The following ANKRD18A variants were observed in gnomAD, a reference collection of about 807,000 sequenced individuals.
The protein encoded by ANKRD18A is ankyrin repeat domain-containing protein 18A.
Under a neutral mutation model 110.6 loss-of-function variants are expected in ANKRD18A, and 72 were observed. The ratio of observed to expected loss-of-function variants is 0.65; its 90% CI spans 0.54 to 0.79. ANKRD18A has a LOEUF of 0.79. Ranked by LOEUF, ANKRD18A falls within the 30% of genes least tolerant of loss-of-function variation. The pLI is 0.00. For missense variants in ANKRD18A, 934 were observed against 1,163.3 expected, an observed-to-expected ratio of 0.80 and a Z score of 2.87; for synonymous variants, 305 against 410.3, an observed-to-expected ratio of 0.74 and a Z score of 3.10.
Position 38,601,215 on chromosome 9 carries a change from CAT to C in ANKRD18A, c.863-13_863-12del. The C allele has an allele frequency of 6.5e-7, 1 of 1,549,924 alleles. No homozygotes were observed. The highest frequency in any genetic ancestry group is 8.7e-7 in the Non-Finnish European group (1 of 1,145,318). On this transcript the variant is annotated splice_polypyrimidine_tract_variant and intron_variant, in intron 7 of 15. Transcript: ENST00000399703. ...TTAGGTTGTGTTCTGCTGACAAATC[CAT>C]ATGTTTAGTTAAAATGAATGATTTA...
Position 38,610,273 on chromosome 9 carries a change from C to T in ANKRD18A, c.740G>A (p.Ser247Asn), listed in dbSNP as rs754492692. The T allele has an allele frequency of 6.2e-5, 95 of 1,533,486 alleles. No homozygotes were observed. The highest frequency in any genetic ancestry group is 8.0e-5 in the Non-Finnish European group (91 of 1,141,148). 95.0% of individuals were successfully genotyped at this position (1,533,486 alleles called of 1,614,324 possible). Residue 247 changes from serine to asparagine, a missense_variant and splice_region_variant, in exon 5 of 16, where the codon AGC becomes AAC. Around this residue, in one of 4 missense-constraint regions of ANKRD18A, gnomAD observed 630 missense variants for 797.5 expected, o/e 0.79. Transcript: ENST00000399703. ...EDYALCSDLR[S>N]IRQQILEHKN... ...CCGGTCTTTTAATATAAGCACATAC[C>T]TTCTCAAATCAGAACAAAGAGCATA...
In ANKRD18A at chr9:38,581,345, T is replaced by G. The variant is rs564645706; in HGVS notation, c.2248-3197A>C. 1.1e-4 allele frequency among the ~76,000 whole-genome samples: 16 copies of G among 152,254 alleles called. No homozygotes were observed. In the South Asian group the frequency reaches 1.9e-3, roughly 18 times the overall value. The stretch of plus-strand genomic sequence containing the variant: ...CCTAAAACCCCCTTCAATTATGAAC[T>G]CTGATAATAAGGCAAGGGTGTCTCC... On this transcript the variant is annotated intron_variant, in intron 12 of 15. Coordinates refer to ENST00000399703, the MANE Select transcript of ANKRD18A (RefSeq NM_147195.4).
chr9:38,566,615 C>T (rs1434553629), downstream of ANKRD18A: 2 of 152,206 alleles, frequency 1.3e-5, no homozygotes, highest in African/African-American at 4.8e-5. Context: ...TAGCAATGCT[C>T]CAGTCCTCAT....
At chr9:38,596,997 A>G (rs1448791927) in intron 8 of ANKRD18A, among the ~76,000 whole-genome samples, 1 of 152,178 alleles carries the variant, frequency 6.6e-6, no homozygotes, top group African/African-American at 2.4e-5. Context: ...ACAATCCTTA[A>G]AAAAGACAGG....
At chr9:38,574,467 C>T (rs1395929494) in intron 15 of ANKRD18A, among the ~76,000 whole-genome samples, 1 of 152,092 alleles carries the variant, frequency 6.6e-6, no homozygotes, top group East Asian at 1.9e-4. Context: ...CAGGTGCCTG[C>T]CACCACACCT....
rs534446618 is a variant in ANKRD18A, at chr9:38,595,639, G to A, written c.1701C>T (p.Gly567=). Residue 567 remains glycine (G), a synonymous_variant, in exon 9 of 16, where the codon GGC becomes GGT. Transcript: ENST00000399703. The stretch of plus-strand genomic sequence containing the variant: ...TATTAATGACTATCTCTTTATTATC[G>A]CCTTCCTTACGAGCATCCTCTAGTT... The part of the protein sequence containing the change: ...ERQLEDARKE[G]DNKEIVINIH... The A allele has an allele frequency of 3.4e-5, 52 of 1,550,458 alleles. No individual in the cohort carries two copies. The highest frequency in any genetic ancestry group is 1.9e-4 in the African/African-American group (14 of 72,908).
intron 6 of ANKRD18A, among the ~76,000 whole-genome samples, chr9:38,606,629 T>C (rs1825369326): frequency 1.3e-5 from 2 of 152,196 alleles, no homozygotes; most frequent in African/African-American, 4.8e-5. Context: ...GTAGTTACGT[T>C]TGGAAGGAGT....
chr9:38,609,451 A>G (rs1825502753), intron 5 of ANKRD18A, among the ~76,000 whole-genome samples: 1 of 152,174 alleles, frequency 6.6e-6, no homozygotes, highest in Admixed American at 6.5e-5. Context: ...ACTGCACTCC[A>G]GCCTGGGCGA....
rs1197467562 is a variant in ANKRD18A at position 38,595,881 on chromosome 9, T to G, written c.1459A>C (p.Lys487Gln). 6.4e-7 allele frequency: 1 copy of G among 1,551,250 alleles called. No homozygotes were observed. Among genetic ancestry groups the G allele is most frequent in the Non-Finnish European group, 8.7e-7 (1 of 1,146,706 alleles). ...TCTCTTGTCTCACGGAGCTTACCTT[T>G]TAAGGTATTGAACTTCACCCGAGCT... ...HKARVKFNTL[K>Q]GKLRETRDAL... Residue 487 changes from lysine to glutamine, a missense_variant, in exon 9 of 16, where the codon AAA becomes CAA. Lys to Gln is a moderately conservative substitution (Grantham distance 53). Coordinates refer to ENST00000399703, the MANE Select transcript of ANKRD18A (RefSeq NM_147195.4).
At position 38,595,951 on chromosome 9, in the gene ANKRD18A, A is replaced by C; in HGVS notation, c.1389T>G (p.Ser463=). 1 of 1,550,518 alleles carries C rather than the reference A, an allele frequency of 6.4e-7. No homozygotes were observed. Among genetic ancestry groups the C allele is most frequent in the Non-Finnish European group, 8.7e-7 (1 of 1,146,494 alleles). The change falls in exon 9 of 16, where the codon TCT becomes TCG. Residue 463 remains serine, a synonymous_variant. Transcript: ENST00000399703. ...SRHEKMGSNI[S]QLTDKNELLT... ...GCAACTCATTCTTATCTGTTAGTTG[A>C]GAAATATTAGAACCCATTTTTTCAT...
intron 6 of ANKRD18A, 123 bp downstream of exon 6, chr9:38,607,303 C>T (rs2489063): frequency 1.3e-5 from 9 of 667,494 alleles, no homozygotes; most frequent in East Asian, 4.6e-5. Context: ...GTGATCCACC[C>T]GCCTCGGCCT....
At chr9:38,619,268 C>G (rs1015002063) in intron 1 of ANKRD18A, among the ~76,000 whole-genome samples, 2 of 152,036 alleles carry the variant, frequency 1.3e-5, no homozygotes, top group Non-Finnish European at 2.9e-5. Context: ...ATTTTTGCGA[C>G]ATAAAGTTTC....
chr9:38,620,315 G>T lies in ANKRD18A; in HGVS notation c.-30C>A, dbSNP rs1320044451. The T allele has an allele frequency of 3.9e-6, 6 of 1,535,558 alleles. No homozygotes were observed. Among genetic ancestry groups the T allele is most frequent in the African/African-American group, 1.4e-5 (1 of 72,270 alleles). ...GCGACTTCTCAGACGCCCACCACCC[G>T]CTCCTGAGCCGCGGCGGCTCCTCGT... On this transcript the variant is annotated 5_prime_UTR_variant, in exon 1 of 16. Transcript: ENST00000399703.
chr9:38,606,579 C>T (rs1421797211), intron 6 of ANKRD18A, among the ~76,000 whole-genome samples: 1 of 152,084 alleles, frequency 6.6e-6, no homozygotes, highest in African/African-American at 2.4e-5. Flanking sequence ...ACTGACTGTT[C>T]ATGTTATCAG....
chr9:38,579,585 A>T, intron 12 of ANKRD18A, among the ~76,000 whole-genome samples: 1 of 152,228 alleles, frequency 6.6e-6, no homozygotes, highest in East Asian at 1.9e-4. Context: ...AATGTTCAGT[A>T]TCACTAATCA....
At position 38,595,605 on chromosome 9, in the gene ANKRD18A, C is replaced by G; in HGVS notation, c.1735G>C (p.Asp579His). The change falls in exon 9 of 16, where the codon GAC (aspartate) becomes CAC (histidine). Residue 579 changes from aspartate (D) to histidine (H), a missense_variant. Asp to His is a moderately conservative substitution (Grantham distance 81). This residue lies in a region of ANKRD18A where 630 missense variants were observed against 797.5 expected (regional missense o/e 0.79). Transcript: ENST00000399703. The part of the protein sequence containing the change: ...NKEIVINIHR[D>H]CLENGKEDLL... Reference sequence around the variant, plus strand: ...TCTTCCTTTCCATTCTCAAGACAGTCTCTGTGGATATTAATGACTATCTCT... The same window carrying G: ...TCTTCCTTTCCATTCTCAAGACAGTGTCTGTGGATATTAATGACTATCTCT... 6.4e-7 allele frequency: 1 copy of G among 1,550,926 alleles called. No individual in the cohort carries two copies. Among genetic ancestry groups the G allele is most frequent in the South Asian group, 1.2e-5 (1 of 83,978 alleles).
intron 5 of ANKRD18A, among the ~76,000 whole-genome samples, chr9:38,608,371 C>T (rs1825449390): frequency 6.6e-6 from 1 of 151,970 alleles, no homozygotes; most frequent in South Asian, 2.1e-4. Flanking sequence ...TATTGTTTTT[C>T]AGTTCCAGAT....
chr9:38,583,607 C>G (rs1020170997), intron 12 of ANKRD18A, among the ~76,000 whole-genome samples: 1 of 152,124 alleles, frequency 6.6e-6, no homozygotes, highest in Non-Finnish European at 1.5e-5. Flanking sequence ...CCAGGATGCT[C>G]TCGAACTCCT....
downstream of ANKRD18A, chr9:38,571,333 G>C (rs73646215): frequency 2.4e-4 from 231 of 963,258 alleles, no homozygotes; most frequent in African/African-American, 3.6e-3. Flanking sequence ...TAATCTTGGG[G>C]AACTGGAGCA....
Sources: gnomAD v4.1 joint callset for allele counts (sites outside exome capture counted in the v4.1 genomes callset) on GRCh38, gnomAD v4.1.1 for gene constraint, gnomAD v4.1.1 regional missense constraint, MANE v1.5 for transcripts, NCBI Gene and HGNC (gene_info 2026-07-23, HGNC 2026-07-21) for gene names.